The following GRK5 variants were observed in gnomAD, a reference collection of about 807,000 sequenced individuals.
GRK5 encodes G protein-coupled receptor kinase 5, also known as g protein-coupled receptor kinase GRK5.
In GRK5, 40 loss-of-function variants were observed where a neutral mutation model predicts 78.4. That is an observed-to-expected ratio of 0.51 (90% confidence interval 0.40 to 0.66). The LOEUF is 0.66. Among genes scored for constraint, GRK5 ranks in the 30% least tolerant of loss-of-function variants. GRK5 has a pLI of 0.00. For synonymous variants in GRK5, 289 were observed against 296.8 expected (o/e 0.97, Z 0.27); for missense variants, 598 against 759.9 (o/e 0.79, Z 2.50).
At chr10:119,251,542 TCTGACAGG>T (rs1417907924) in intron 1 of GRK5, among the ~76,000 whole-genome samples, 2 of 152,252 alleles carry the variant, frequency 1.3e-5, no homozygotes, top group African/African-American at 4.8e-5. Flanking sequence ...AGGCTTCCAT[TCTGACAGG>T]CTGCGAACAT....
At chr10:119,415,638 G>A (rs922481562) in intron 4 of GRK5, among the ~76,000 whole-genome samples, 3 of 152,194 alleles carry the variant, frequency 2.0e-5, no homozygotes, top group Admixed American at 6.5e-5. Flanking sequence ...TGGCAGAGAC[G>A]CCACGGCTGA....
chr10:119,255,679 C>A (rs537777134), intron 1 of GRK5, among the ~76,000 whole-genome samples: 1 of 152,372 alleles, frequency 6.6e-6, no homozygotes, highest in South Asian at 2.1e-4. Flanking sequence ...CCCGCCATGC[C>A]TGCTGCCCCC....
At chr10:119,285,655 A>G (rs1849835339) in intron 1 of GRK5, among the ~76,000 whole-genome samples, 1 of 152,206 alleles carries the variant, frequency 6.6e-6, no homozygotes, top group Non-Finnish European at 1.5e-5. Flanking sequence ...CGCAGTTCTT[A>G]AAAGCCCGCA....
chr10:119,313,113 G>GTGGTGA (rs1399178443), intron 1 of GRK5, among the ~76,000 whole-genome samples: 1 of 147,670 alleles, frequency 6.8e-6, no homozygotes, highest in African/African-American at 2.5e-5. Flanking sequence ...AATGATGGTA[G>GTGGTGA]TGGTGATGGT....
intron 2 of GRK5, among the ~76,000 whole-genome samples, chr10:119,360,267 C>T (rs143293766): frequency 6.6e-6 from 1 of 152,298 alleles, no homozygotes; most frequent in African/African-American, 2.4e-5. Context: ...AGCCCTGCCC[C>T]AAAGCAGAGC....
chr10:119,227,628 A>G (rs927868567), intron 1 of GRK5, among the ~76,000 whole-genome samples: 1 of 152,166 alleles, frequency 6.6e-6, no homozygotes, highest in Non-Finnish European at 1.5e-5. Flanking sequence ...TACAGCCAGG[A>G]AGGATGGAGA....
chr10:119,265,868 A>G (rs900979032), intron 1 of GRK5, among the ~76,000 whole-genome samples: 2 of 152,206 alleles, frequency 1.3e-5, no homozygotes, highest in African/African-American at 4.8e-5. Context: ...GGAGACCTCT[A>G]TGGCTGCTCA....
At chr10:119,427,473 CCAT>C (rs1169109611) in intron 6 of GRK5, among the ~76,000 whole-genome samples, 2 of 150,284 alleles carry the variant, frequency 1.3e-5, no homozygotes, top group Non-Finnish European at 2.9e-5. Flanking sequence ...AGCATCACCA[CCAT>C]CATCAGCATC....
intron 4 of GRK5, among the ~76,000 whole-genome samples, chr10:119,420,054 C>A (rs1442609005): frequency 6.6e-6 from 1 of 152,204 alleles, no homozygotes; most frequent in Non-Finnish European, 1.5e-5. Flanking sequence ...AGACACCCAA[C>A]CTAGGTTCAA....
At chr10:119,208,140 T>C (rs1373085686) in intron 1 of GRK5, among the ~76,000 whole-genome samples, 171 bp downstream of exon 1, 1 of 152,234 alleles carries the variant, frequency 6.6e-6, no homozygotes, top group Non-Finnish European at 1.5e-5. Flanking sequence ...GGTTCCTGCC[T>C]TGGGGCTCAG....
rs181063264 is a variant in GRK5 at position 119,391,369 on chromosome 10, C to T, written c.262-5326C>T. On this transcript the variant is annotated intron_variant, in intron 3 of 15. Transcript: ENST00000392870. Reference sequence around the variant, plus strand: ...CTGGGGAGCAGAAAGGAAGCAAGGCCAGTGCCCACCCATCTGAAGCACCGT... The same window carrying T: ...CTGGGGAGCAGAAAGGAAGCAAGGCTAGTGCCCACCCATCTGAAGCACCGT... 2.4e-4 allele frequency among the ~76,000 whole-genome samples: 37 copies of T among 152,324 alleles called. 1 individual carries two copies. In the East Asian group the frequency reaches 6.8e-3, roughly 28 times the overall value.
chr10:119,393,706 C>T (rs2133845645), intron 3 of GRK5, among the ~76,000 whole-genome samples: 1 of 152,340 alleles, frequency 6.6e-6, no homozygotes, highest in East Asian at 1.9e-4. Flanking sequence ...TTGGAGACGC[C>T]ACTGCTGCCC....
intron 1 of GRK5, among the ~76,000 whole-genome samples, chr10:119,209,625 C>G (rs924999670): frequency 3.3e-5 from 5 of 151,538 alleles, no homozygotes; most frequent in Non-Finnish European, 5.9e-5. Context: ...CCCTCCACCT[C>G]CCCCGCCCCT....
At chr10:119,224,205 C>T (rs923748512) in intron 1 of GRK5, among the ~76,000 whole-genome samples, 3 of 152,184 alleles carry the variant, frequency 2.0e-5, no homozygotes, top group Non-Finnish European at 4.4e-5. Context: ...AGCCAGAACC[C>T]TGCCCTCCAG....
chr10:119,357,521 T>G (rs138927428), intron 2 of GRK5, among the ~76,000 whole-genome samples: 34 of 152,326 alleles, frequency 2.2e-4, no homozygotes, highest in African/African-American at 7.9e-4. Flanking sequence ...TCCTGCTGCC[T>G]GCTCCTGGGG....
chr10:119,382,023 T>C (rs1851718124), intron 3 of GRK5, among the ~76,000 whole-genome samples: 1 of 152,168 alleles, frequency 6.6e-6, no homozygotes, highest in South Asian at 2.1e-4. Flanking sequence ...ACCCCAAAGC[T>C]ACCAGCCCTG....
chr10:119,402,098 A>T (rs2133860187), intron 4 of GRK5, among the ~76,000 whole-genome samples: 1 of 152,294 alleles, frequency 6.6e-6, no homozygotes, highest in East Asian at 1.9e-4. Flanking sequence ...ACCCAGAAGC[A>T]ACACTCATCA....
chr10:119,226,782 A>C (rs2133718719), intron 1 of GRK5, among the ~76,000 whole-genome samples: 2 of 150,996 alleles, frequency 1.3e-5, no homozygotes, highest in East Asian at 3.9e-4. Context: ...GGTTGGTCTC[A>C]AACTCCTGAC....
At chr10:119,437,360 T>A (rs75246449) in intron 9 of GRK5, among the ~76,000 whole-genome samples, 6,092 of 152,252 alleles carry the variant, frequency 0.04, 241 homozygotes, top group African/African-American at 0.099. Context: ...CTGGACATTG[T>A]AGGGCCAGGG....
Sources: allele counts gnomAD v4.1 joint callset (sites outside exome capture counted in the v4.1 genomes callset), GRCh38; gene constraint gnomAD v4.1.1; transcripts MANE v1.5; gene names NCBI Gene and HGNC (gene_info 2026-07-23, HGNC 2026-07-21).